The following SNTG1 variants were observed in gnomAD, a reference collection of about 807,000 sequenced individuals.
SNTG1 encodes the protein syntrophin gamma 1, also known as gamma-1-syntrophin.
A neutral mutation model predicts 74.7 loss-of-function variants in SNTG1; 39 were observed. The ratio of observed to expected loss-of-function variants is 0.52; its 90% CI spans 0.40 to 0.68. The LOEUF (loss-of-function observed/expected upper bound fraction) is 0.68. Among genes scored for constraint, SNTG1 ranks in the 30% least tolerant of loss-of-function variants. SNTG1 has a pLI of 0.00. For synonymous variants in SNTG1, 254 were observed against 217.1 expected (o/e 1.17, Z -1.49); for missense variants, 685 against 609.5 (o/e 1.12, Z -1.30).
In SNTG1 at chr8:50,502,772, T is replaced by TTTCAGG; in HGVS notation, c.368_373dup. On this transcript the variant is annotated splice_polypyrimidine_tract_variant and splice_region_variant and intron_variant, in intron 8 of 18. Coordinates refer to ENST00000642720, the MANE Select transcript of SNTG1 (RefSeq NM_018967.5). ...ATGATTGTATTCTTTTTATTCTTTT[T>TTTCAGG]TTCAGGTTCAGGTTCTTCGGAATGC... 6.2e-7 allele frequency: 1 copy of TTTCAGG among 1,607,766 alleles called. No homozygotes were observed. Among genetic ancestry groups the TTTCAGG allele is most frequent in the East Asian group, 2.2e-5 (1 of 44,738 alleles).
intron 17 of SNTG1, among the ~76,000 whole-genome samples, chr8:50,719,799 A>G (rs1446370065): frequency 3.9e-5 from 6 of 152,224 alleles, no homozygotes; most frequent in Non-Finnish European, 5.9e-5. Context: ...TGATATCATT[A>G]AGGTATTATA....
chr8:50,775,731 G>A (rs2095638986), intron 18 of SNTG1, among the ~76,000 whole-genome samples: 1 of 151,540 alleles, frequency 6.6e-6, no homozygotes, highest in African/African-American at 2.4e-5. Context: ...CAATGTAATT[G>A]TGTATTTATC....
chr8:50,110,293 G>C (rs1586316979), intron 1 of SNTG1, among the ~76,000 whole-genome samples: 1 of 152,100 alleles, frequency 6.6e-6, no homozygotes, highest in Admixed American at 6.6e-5. Context: ...GCTTTGAGTG[G>C]TCTCTGGGGT....
At chr8:50,589,726 A>G (rs1266615597) in intron 12 of SNTG1, among the ~76,000 whole-genome samples, 1 of 152,166 alleles carries the variant, frequency 6.6e-6, no homozygotes, top group Non-Finnish European at 1.5e-5. Flanking sequence ...GATTTCCACA[A>G]AGTACTCAGT....
intron 1 of SNTG1, among the ~76,000 whole-genome samples, chr8:50,152,909 C>T (rs2082118912): frequency 6.6e-6 from 1 of 152,102 alleles, no homozygotes; most frequent in South Asian, 2.1e-4. Flanking sequence ...CGAGGAGTAT[C>T]TTTGTGGTGT....
At chr8:50,576,142 T>C (rs1449141722) in intron 12 of SNTG1, among the ~76,000 whole-genome samples, 2 of 152,214 alleles carry the variant, frequency 1.3e-5, no homozygotes, top group Non-Finnish European at 2.9e-5. Flanking sequence ...CTCAGGTCTT[T>C]GGGTTAATTT....
At chr8:50,589,175 C>T (rs1235562642) in intron 12 of SNTG1, among the ~76,000 whole-genome samples, 1 of 151,992 alleles carries the variant, frequency 6.6e-6, no homozygotes, top group East Asian at 1.9e-4. Context: ...ATGTAATAAA[C>T]CATTCAAAGG....
intron 17 of SNTG1, among the ~76,000 whole-genome samples, chr8:50,729,253 C>T (rs1002954836): frequency 6.6e-6 from 1 of 152,158 alleles, no homozygotes; most frequent in Admixed American, 6.6e-5. Flanking sequence ...CATTGCCCTG[C>T]TGTACCTTAT....
chr8:50,724,137 A>T (rs919453299), intron 17 of SNTG1, among the ~76,000 whole-genome samples: 1 of 152,170 alleles, frequency 6.6e-6, no homozygotes, highest in Non-Finnish European at 1.5e-5. Flanking sequence ...TGTATTTAAC[A>T]TTTGCTTTGT....
intron 2 of SNTG1, among the ~76,000 whole-genome samples, chr8:50,364,529 T>A (rs2131096387): frequency 6.6e-6 from 1 of 152,276 alleles, no homozygotes; most frequent in Admixed American, 6.5e-5. Flanking sequence ...TTAGTTTATG[T>A]GTTTTTCTTT....
At chr8:49,922,154 A>T (rs1156671379) in intron 1 of SNTG1, among the ~76,000 whole-genome samples, 1 of 152,130 alleles carries the variant, frequency 6.6e-6, no homozygotes, top group Admixed American at 6.6e-5. Context: ...CTGGAAGATA[A>T]ACTGGCCCTG....
intron 4 of SNTG1, among the ~76,000 whole-genome samples, chr8:50,429,337 T>C (rs1345859327): frequency 6.6e-6 from 1 of 152,082 alleles, no homozygotes; most frequent in Non-Finnish European, 1.5e-5. Flanking sequence ...AATAAACAAA[T>C]TCATAGTCGA....
chr8:50,254,161 T>C (rs946591481), intron 2 of SNTG1, among the ~76,000 whole-genome samples: 4 of 152,198 alleles, frequency 2.6e-5, no homozygotes, highest in African/African-American at 9.7e-5. Flanking sequence ...TTGTATGCCA[T>C]AAATATGTAT....
intron 18 of SNTG1, among the ~76,000 whole-genome samples, chr8:50,767,955 A>G (rs1480110335): frequency 6.6e-6 from 1 of 152,038 alleles, no homozygotes; most frequent in Admixed American, 6.6e-5. Flanking sequence ...AAACTAGTGT[A>G]CACAGCATAT....
chr8:50,784,295 A>T (rs913001191), intron 18 of SNTG1, among the ~76,000 whole-genome samples: 2 of 152,232 alleles, frequency 1.3e-5, no homozygotes, highest in South Asian at 4.1e-4. Flanking sequence ...AAGTAGAATT[A>T]TCCAAGCTTT....
Position 50,260,759 on chromosome 8 carries a change from AAC to A in SNTG1, c.-28+88126_-28+88127del, listed in dbSNP as rs796866646. The stretch of plus-strand genomic sequence containing the variant: ...GAAATAGCAATTCTAAAAAAAAAAA[AAC>A]AATTAAAAAGAAAAGCAAGAAATTA... On this transcript the variant is annotated intron_variant, in intron 2 of 18. Coordinates refer to ENST00000642720, the MANE Select transcript of SNTG1 (RefSeq NM_018967.5). 1.1e-3 allele frequency among the ~76,000 whole-genome samples: 166 copies of A among 151,616 alleles called. 2 individuals are homozygous for A. Among genetic ancestry groups the A allele is most frequent in the African/African-American group, 3.6e-3 (148 of 41,442 alleles).
intron 1 of SNTG1, among the ~76,000 whole-genome samples, chr8:49,953,431 T>C (rs959163150): frequency 6.6e-6 from 1 of 152,176 alleles, no homozygotes; most frequent in Non-Finnish European, 1.5e-5. Context: ...CATATTTCCC[T>C]GGGAACTAGA....
At chr8:50,169,161 T>C (rs2082724897) in intron 1 of SNTG1, among the ~76,000 whole-genome samples, 1 of 152,208 alleles carries the variant, frequency 6.6e-6, no homozygotes, top group Non-Finnish European at 1.5e-5. Context: ...TATTTGTGTT[T>C]CAGGGTTTTC....
chr8:50,291,667 ACTGT>A (rs1312262354), intron 2 of SNTG1, among the ~76,000 whole-genome samples: 1 of 152,170 alleles, frequency 6.6e-6, no homozygotes. Flanking sequence ...TGATAAAATG[ACTGT>A]CTTTAAAAAA....
Sources: gnomAD v4.1 joint callset for allele counts (sites outside exome capture counted in the v4.1 genomes callset) on GRCh38, gnomAD v4.1.1 for gene constraint, MANE v1.5 for transcripts, NCBI Gene and HGNC (gene_info 2026-07-23, HGNC 2026-07-21) for gene names.